Variants in ENOX2 observed in about 807,000 individuals in gnomAD.
The protein encoded by ENOX2 is APK1 antigen.
A neutral mutation model predicts 45.0 loss-of-function variants in ENOX2; 36 were observed. The ratio of observed to expected loss-of-function variants is 0.80; its 90% CI spans 0.61 to 1.06. The LOEUF is 1.06. Among genes scored for constraint, ENOX2 ranks in the 50% least tolerant of loss-of-function variants. ENOX2 has a pLI of 0.00. For synonymous variants in ENOX2, 174 were observed against 152.3 expected (o/e 1.14, Z -1.05); for missense variants, 423 against 462.5 (o/e 0.91, Z 0.78).
intron 5 of ENOX2, among the ~76,000 whole-genome samples, chrX:130,683,312 T>G (rs1471360584): frequency 8.9e-6 from 1 of 112,054 alleles, no homozygotes; most frequent in Non-Finnish European, 1.9e-5. Flanking sequence ...AAGTCGATTT[T>G]ATTAGACAGC....
At chrX:130,783,163 T>C (rs781426740) in intron 3 of ENOX2, among the ~76,000 whole-genome samples, 1 of 112,133 alleles carries the variant, frequency 8.9e-6, no homozygotes, top group Non-Finnish European at 1.9e-5. Context: ...CAATTCCTTC[T>C]ACCTAAATCG....
rs887970310 is a variant in ENOX2 at position 130,691,528 on chromosome X, T to C, written c.98-2510A>G. ...TGCTGTAAAATAAGAGCACTATGGT[T>C]AAGAATGCCATTTATGTCTTCGGAA... On this transcript the variant is annotated intron_variant, in intron 4 of 14. Transcript: ENST00000394363. 4.5e-5 allele frequency among the ~76,000 whole-genome samples: 5 copies of C among 112,337 alleles called. No homozygotes were observed. The Admixed American group carries it at 4.7e-4, about 11-fold the overall frequency.
At chrX:130,793,034 T>C (rs2077067612) in intron 2 of ENOX2, among the ~76,000 whole-genome samples, 1 of 112,337 alleles carries the variant, frequency 8.9e-6, no homozygotes, top group Admixed American at 9.4e-5. Context: ...TGCCACTTAC[T>C]AAGTGTGCCA....
chrX:130,630,992 C>G (rs1267449788), intron 13 of ENOX2, among the ~76,000 whole-genome samples: 2 of 110,497 alleles, frequency 1.8e-5, no homozygotes, highest in Non-Finnish European at 3.8e-5. Context: ...AACAAACAAA[C>G]AAACAATCCC....
At chrX:130,876,471 T>G (rs763482847) in intron 2 of ENOX2, among the ~76,000 whole-genome samples, 3 of 111,428 alleles carry the variant, frequency 2.7e-5, no homozygotes, top group Non-Finnish European at 5.7e-5. Flanking sequence ...AATTGGGAGT[T>G]AAAGGCTAAG....
intron 3 of ENOX2, among the ~76,000 whole-genome samples, chrX:130,742,653 G>A (rs1409715267): frequency 9.0e-6 from 1 of 111,692 alleles, no homozygotes; most frequent in Non-Finnish European, 1.9e-5. Flanking sequence ...AGGCACTACT[G>A]TATATAAACT....
At chrX:130,709,200 A>G (rs760942618) in intron 3 of ENOX2, 8 of 1,105,659 alleles carry the variant, frequency 7.2e-6, no homozygotes, top group Non-Finnish European at 8.7e-6. Context: ...TTTAAATAAG[A>G]GAACTCTACA....
At chrX:130,775,968 C>T (rs376868875) in intron 3 of ENOX2, among the ~76,000 whole-genome samples, 4 of 111,419 alleles carry the variant, frequency 3.6e-5, no homozygotes, top group East Asian at 2.8e-4. Flanking sequence ...CTGTGGTCCA[C>T]CTAAGGCCAA....
chrX:130,722,257 G>C (rs989231464), intron 3 of ENOX2, among the ~76,000 whole-genome samples: 1 of 111,912 alleles, frequency 8.9e-6, no homozygotes, highest in African/African-American at 3.3e-5. Context: ...GCCAAACTTC[G>C]GTGATAGGCC....
At chrX:130,864,634 T>C (rs1284378570) in intron 2 of ENOX2, among the ~76,000 whole-genome samples, 1 of 112,355 alleles carries the variant, frequency 8.9e-6, no homozygotes, top group Non-Finnish European at 1.9e-5. Flanking sequence ...TTTCCTCCAG[T>C]AAAATCACCT....
rs5932812 is a variant in ENOX2 at position 130,803,347 on chromosome X, A to G, written c.-182-19657T>C. Among the ~76,000 whole-genome samples, 249 of 112,172 alleles carry G rather than the reference A, an allele frequency of 2.2e-3. 1 individual carries two copies. Among genetic ancestry groups the G allele is most frequent in the Non-Finnish European group, 3.9e-3 (207 of 53,158 alleles). ...GGCTTCTTTCTTCCTCACTGTAAGT[A>G]AACCACAGGCTATATTACACACATA... On this transcript the variant is annotated intron_variant, in intron 2 of 14. Transcript: ENST00000394363.
intron 3 of ENOX2, among the ~76,000 whole-genome samples, chrX:130,776,676 C>G (rs1049029396): frequency 9.0e-6 from 1 of 111,659 alleles, no homozygotes; most frequent in East Asian, 2.8e-4. Flanking sequence ...TCAGGTATTT[C>G]TTTATAGCAA....
At chrX:130,742,177 A>T (rs1179854894) in intron 3 of ENOX2, among the ~76,000 whole-genome samples, 1 of 108,899 alleles carries the variant, frequency 9.2e-6, no homozygotes, top group Non-Finnish European at 1.9e-5. Context: ...ATGTACAAGC[A>T]CTTAAAAAAG....
chrX:130,712,201 A>G (rs1438569097), intron 3 of ENOX2, among the ~76,000 whole-genome samples: 1 of 111,994 alleles, frequency 8.9e-6, no homozygotes, highest in Non-Finnish European at 1.9e-5. Flanking sequence ...TTAAATGCTT[A>G]TTATGTGCTA....
intron 2 of ENOX2, among the ~76,000 whole-genome samples, chrX:130,848,691 T>C (rs1171877725): frequency 5.4e-5 from 6 of 111,645 alleles, no homozygotes; most frequent in Admixed American, 9.5e-5. Flanking sequence ...TCTGGCCAAA[T>C]TGGTCCTAGA....
At chrX:130,737,452 G>A (rs1015465245) in intron 3 of ENOX2, among the ~76,000 whole-genome samples, 70 of 109,784 alleles carry the variant, frequency 6.4e-4, no homozygotes, top group African/African-American at 2.1e-3. Context: ...ATGCGCGTGC[G>A]CACGCACACA....
chrX:130,738,445 G>A (rs1265884135), intron 3 of ENOX2, among the ~76,000 whole-genome samples: 1 of 112,086 alleles, frequency 8.9e-6, no homozygotes, highest in Non-Finnish European at 1.9e-5. Context: ...GGAGACTTGG[G>A]AAACTTGGCT....
At chrX:130,838,046 C>A (rs183590785) in intron 2 of ENOX2, among the ~76,000 whole-genome samples, 2 of 112,053 alleles carry the variant, frequency 1.8e-5, no homozygotes, top group Non-Finnish European at 3.8e-5. Flanking sequence ...CTGTATTAGG[C>A]AAGTTATCTG....
chrX:130,642,164 T>C (rs903674745), intron 10 of ENOX2, among the ~76,000 whole-genome samples: 1 of 112,469 alleles, frequency 8.9e-6, no homozygotes, highest in African/African-American at 3.2e-5. Context: ...TTCATGATTC[T>C]GGGGAGGAGG....
Sources: allele counts gnomAD v4.1 joint callset (sites outside exome capture counted in the v4.1 genomes callset), GRCh38; gene constraint gnomAD v4.1.1; transcripts MANE v1.5; gene names NCBI Gene and HGNC (gene_info 2026-07-23, HGNC 2026-07-21).